UST: variants seen among roughly 807,000 people sequenced by gnomAD.
UST encodes chondroitin sulfate 2-O-sulfotransferase.
A neutral mutation model predicts 45.6 loss-of-function variants in UST; 21 were observed. That is an observed-to-expected ratio of 0.46 (90% CI 0.33 to 0.66). UST has a LOEUF of 0.66. Among genes scored for constraint, UST ranks in the 30% least tolerant of loss-of-function variants. UST has a pLI of 0.02. For missense variants in UST, 463 were observed against 512.4 expected, an observed-to-expected ratio of 0.90 and a Z score of 0.93; for synonymous variants, 215 against 200.6, an observed-to-expected ratio of 1.07 and a Z score of -0.61.
intron 1 of UST, among the ~76,000 whole-genome samples, chr6:148,798,901 GCT>G: frequency 6.6e-6 from 1 of 150,986 alleles, no homozygotes; most frequent in East Asian, 1.9e-4. Context: ...ATGGAGTCTC[GCT>G]CTGTCACCCA....
chr6:149,010,747 GCC>G (rs1775792016), intron 5 of UST, among the ~76,000 whole-genome samples: 6 of 151,698 alleles, frequency 4.0e-5, no homozygotes, highest in Non-Finnish European at 8.8e-5. Context: ...ACAAAAATTA[GCC>G]GGGTGTGGTG....
intron 7 of UST, among the ~76,000 whole-genome samples, chr6:149,070,716 C>A (rs187838600): frequency 6.6e-6 from 1 of 150,780 alleles, no homozygotes; most frequent in Non-Finnish European, 1.5e-5. Context: ...TCCCCTCAAG[C>A]ATTTATCCTT....
At chr6:148,918,337 C>T (rs1247056697) in intron 2 of UST, among the ~76,000 whole-genome samples, 6 of 152,214 alleles carry the variant, frequency 3.9e-5, no homozygotes, top group Non-Finnish European at 5.9e-5. Context: ...TCCGGTCTTA[C>T]ATACGTAATC....
intron 5 of UST, 104 bp downstream of exon 5, chr6:148,964,667 C>T: frequency 1.4e-6 from 2 of 1,463,310 alleles, no homozygotes; most frequent in Non-Finnish European, 1.8e-6. Context: ...TCCTTGGCGC[C>T]TCCATGGAGC....
rs187849743 is a variant in UST, at chr6:149,053,285, A to G, written c.938-20548A>G. 3.9e-4 allele frequency among the ~76,000 whole-genome samples: 60 copies of G among 152,344 alleles called. 1 individual carries two copies. The highest frequency in any genetic ancestry group is 1.3e-3 in the African/African-American group (55 of 41,588). ...AAATAAGTACGGTTACCAACTACTGAAATCAATTTAATAGTAATTTGGTCT... is the reference window on the plus strand; with the variant it reads ...AAATAAGTACGGTTACCAACTACTGGAATCAATTTAATAGTAATTTGGTCT... On this transcript the variant is annotated intron_variant, in intron 7 of 7. Transcript: ENST00000367463.
At chr6:149,059,030 G>A (rs1776614726) in intron 7 of UST, among the ~76,000 whole-genome samples, 1 of 152,198 alleles carries the variant, frequency 6.6e-6, no homozygotes, top group African/African-American at 2.4e-5. Flanking sequence ...TGCCGAACTT[G>A]GGGAGAAAAG....
chr6:148,755,464 T>C (rs4897045), intron 1 of UST, among the ~76,000 whole-genome samples: 63,295 of 151,944 alleles, frequency 0.42, 13,284 homozygotes, highest in South Asian at 0.46. Flanking sequence ...GTTTGAATAA[T>C]TGGCAACACT....
intron 1 of UST, among the ~76,000 whole-genome samples, chr6:148,795,818 A>T (rs1455082406): frequency 2.0e-5 from 3 of 152,104 alleles, no homozygotes; most frequent in Admixed American, 6.5e-5. Flanking sequence ...AATAATATTG[A>T]CTCATTTATT....
chr6:149,052,031 C>A (rs1776495055), intron 7 of UST, among the ~76,000 whole-genome samples: 1 of 152,064 alleles, frequency 6.6e-6, no homozygotes, highest in South Asian at 2.1e-4. Flanking sequence ...ATTTTATGCA[C>A]CTAATGAATG....
chr6:148,936,789 G>A (rs940021970), intron 2 of UST, among the ~76,000 whole-genome samples: 2 of 151,824 alleles, frequency 1.3e-5, no homozygotes, highest in Admixed American at 1.3e-4. Flanking sequence ...TCTGCCTCTC[G>A]GCTTCAAGCG....
At chr6:148,945,527 G>A (rs1373699729) in intron 3 of UST, among the ~76,000 whole-genome samples, 3 of 152,152 alleles carry the variant, frequency 2.0e-5, no homozygotes, top group Admixed American at 6.5e-5. Flanking sequence ...AAGCTCTGTC[G>A]AAATCATCAT....
intron 1 of UST, among the ~76,000 whole-genome samples, chr6:148,799,926 G>A (rs138554984): frequency 1.1e-3 from 165 of 152,096 alleles, no homozygotes; most frequent in African/African-American, 3.8e-3. Flanking sequence ...ACTCCCTCTC[G>A]CCCTCTTTCT....
intron 5 of UST, among the ~76,000 whole-genome samples, chr6:148,977,624 T>C (rs1268912653): frequency 2.0e-5 from 3 of 151,348 alleles, no homozygotes; most frequent in Non-Finnish European, 2.9e-5. Flanking sequence ...AGGTGGCGGG[T>C]GCCAGTAGTC....
chr6:149,007,564 A>C (rs929175884), intron 5 of UST, among the ~76,000 whole-genome samples: 1 of 150,534 alleles, frequency 6.6e-6, no homozygotes, highest in African/African-American at 2.4e-5. Context: ...CTGGGATTAC[A>C]GGCGTGAGCC....
At chr6:148,818,225 C>A (rs971949544) in intron 1 of UST, among the ~76,000 whole-genome samples, 1 of 149,768 alleles carries the variant, frequency 6.7e-6, no homozygotes, top group African/African-American at 2.6e-5. Flanking sequence ...ATCTTGCAGT[C>A]GACGATGTGT....
At chr6:148,867,285 T>TAC (rs58093813) in intron 1 of UST, among the ~76,000 whole-genome samples, 15,486 of 136,570 alleles carry the variant, frequency 0.11, 921 homozygotes, top group East Asian at 0.17. Context: ...CATTGTTGAA[T>TAC]ACACACACAC....
intron 7 of UST, among the ~76,000 whole-genome samples, chr6:149,038,778 C>T (rs1304831988): frequency 1.3e-5 from 2 of 152,056 alleles, no homozygotes; most frequent in African/African-American, 2.4e-5. Flanking sequence ...GAACACTGTC[C>T]TCTGGATTGC....
intron 7 of UST, among the ~76,000 whole-genome samples, chr6:149,025,231 T>C (rs1426223199): frequency 6.6e-6 from 1 of 152,256 alleles, no homozygotes; most frequent in Non-Finnish European, 1.5e-5. Flanking sequence ...TCTTTTCTTC[T>C]GTTCCTTTCT....
chr6:148,852,855 G>T (rs1171194220), intron 1 of UST, among the ~76,000 whole-genome samples: 1 of 152,128 alleles, frequency 6.6e-6, no homozygotes, highest in Admixed American at 6.5e-5. Context: ...GTCTGTGAGG[G>T]TCAGAACCCC....
Sources: gnomAD v4.1 joint callset for allele counts (sites outside exome capture counted in the v4.1 genomes callset) on GRCh38, gnomAD v4.1.1 for gene constraint, MANE v1.5 for transcripts, NCBI Gene and HGNC (gene_info 2026-07-23, HGNC 2026-07-21) for gene names.